C1orf141: variants seen among roughly 807,000 people sequenced by gnomAD.
C1orf141 encodes the protein chromosome 1 open reading frame 141.
A neutral mutation model predicts 23.2 loss-of-function variants in C1orf141; 19 were observed. That is an observed-to-expected ratio of 0.82 (90% confidence interval 0.57 to 1.20). The LOEUF is 1.20. Among genes scored for constraint, C1orf141 ranks in the 50% most tolerant of loss-of-function variants. The pLI, the probability that C1orf141 is intolerant of heterozygous loss-of-function variation, is 0.00. For synonymous variants in C1orf141, 153 were observed against 154.6 expected (o/e 0.99, Z 0.08); for missense variants, 469 against 455.1 (o/e 1.03, Z -0.28).
chr1:67,134,748 G>A (rs1309501637), intron 1 of C1orf141, among the ~76,000 whole-genome samples, 182 bp downstream of exon 1: 1 of 152,180 alleles, frequency 6.6e-6, no homozygotes, highest in Non-Finnish European at 1.5e-5. Flanking sequence ...CTCTCGCCGC[G>A]GTCCCACACT....
chr1:67,132,879 CA>C (rs1471345140), intron 1 of C1orf141, among the ~76,000 whole-genome samples: 2 of 152,144 alleles, frequency 1.3e-5, no homozygotes, highest in African/African-American at 4.8e-5. Flanking sequence ...ACAGTAGTGA[CA>C]GTTTTTTGTT....
chr1:67,108,123 G>C (rs933279315), intron 5 of C1orf141, among the ~76,000 whole-genome samples: 2 of 152,092 alleles, frequency 1.3e-5, no homozygotes, highest in Admixed American at 6.6e-5. Flanking sequence ...AAATAAAAAT[G>C]TACCAATGTC....
chr1:67,139,296 G>A (rs532334401), upstream of C1orf141: 1 of 152,250 alleles, frequency 6.6e-6, no homozygotes, highest in South Asian at 2.1e-4. Flanking sequence ...ATCTCAGAGG[G>A]CTGGTCTGAG....
At chr1:67,138,410 G>A (rs1191790559), upstream of C1orf141, among the ~76,000 whole-genome samples, 2 of 152,156 alleles carry the variant, frequency 1.3e-5, no homozygotes, top group Non-Finnish European at 2.9e-5. Context: ...AATTGGACAC[G>A]TTTTACTTCT....
At chr1:67,122,615 A>T (rs1646321525) in intron 4 of C1orf141, 1 of 151,624 alleles carries the variant, frequency 6.6e-6, no homozygotes. Context: ...GCTTCCTCAA[A>T]TTTTTCTACA....
intron 5 of C1orf141, among the ~76,000 whole-genome samples, chr1:67,097,185 C>A (rs1379131501): frequency 6.6e-6 from 1 of 151,866 alleles, no homozygotes; most frequent in African/African-American, 2.4e-5. Flanking sequence ...ATACTAAGAC[C>A]CCCATCTCAA....
At chr1:67,110,014 G>A (rs1392418995) in intron 5 of C1orf141, among the ~76,000 whole-genome samples, 2 of 152,014 alleles carry the variant, frequency 1.3e-5, no homozygotes, top group Non-Finnish European at 2.9e-5. Context: ...GATTATTACA[G>A]AGACATTACT....
upstream of C1orf141, among the ~76,000 whole-genome samples, chr1:67,136,818 CACAAAGT>C (rs1646589817): frequency 6.6e-6 from 1 of 152,096 alleles, no homozygotes; most frequent in South Asian, 2.1e-4. Flanking sequence ...ATTAATATAA[CACAAAGT>C]ACAAAGTATT....
chr1:67,095,335 C>G lies in C1orf141; in HGVS notation c.503G>C (p.Arg168Thr), dbSNP rs746551584. 1 of 1,593,172 alleles carries G rather than the reference C, an allele frequency of 6.3e-7. No individual in the cohort carries two copies. The highest frequency in any genetic ancestry group is 1.1e-5 in the South Asian group (1 of 90,000). ...GCACAACGGGAGCAAGCTTTTCTTT[C>G]TTACTGACCTATACTTACTTAATTG... ...NYQLSKYRSV[R>T]KKSLLPLCFE... The change falls in exon 7 of 8, where the codon AGA becomes ACA. Residue 168 changes from arginine to threonine, a missense_variant. Arg to Thr is a moderately conservative substitution (Grantham distance 71, BLOSUM62 -1). Coordinates refer to ENST00000684719, the MANE Select transcript of C1orf141 (RefSeq NM_001276351.2).
At chr1:67,120,791 A>G (rs1191512404) in intron 4 of C1orf141, among the ~76,000 whole-genome samples, 1 of 120,308 alleles carries the variant, frequency 8.3e-6, no homozygotes, top group African/African-American at 2.9e-5. Flanking sequence ...TCTTTATAGC[A>G]GCTTGAACTG....
At chr1:67,113,073 G>A (rs1646112085) in intron 5 of C1orf141, among the ~76,000 whole-genome samples, 1 of 152,184 alleles carries the variant, frequency 6.6e-6, no homozygotes, top group Admixed American at 6.5e-5. Flanking sequence ...TCCACCTCCT[G>A]GGTTCAAGTG....
chr1:67,121,420 T>C (rs146616038), intron 4 of C1orf141, among the ~76,000 whole-genome samples: 1 of 152,342 alleles, frequency 6.6e-6, no homozygotes, highest in Admixed American at 6.5e-5. Context: ...TTGTAGTGTT[T>C]GCCAATTGCT....
chr1:67,112,720 A>G (rs978477722), intron 5 of C1orf141, among the ~76,000 whole-genome samples: 1 of 152,138 alleles, frequency 6.6e-6, no homozygotes, highest in African/African-American at 2.4e-5. Flanking sequence ...ACCACCAAAA[A>G]ACAAAAAACC....
chr1:67,116,765 C>A (rs975779649), intron 4 of C1orf141, among the ~76,000 whole-genome samples: 7 of 152,082 alleles, frequency 4.6e-5, no homozygotes, highest in African/African-American at 1.7e-4. Flanking sequence ...CACTTAAGGA[C>A]CTTGCTCTTT....
intron 5 of C1orf141, among the ~76,000 whole-genome samples, chr1:67,101,201 T>C (rs1306740506): frequency 6.6e-6 from 1 of 152,142 alleles, no homozygotes; most frequent in African/African-American, 2.4e-5. Context: ...TCAACCCTCC[T>C]TTCAAGTCCC....
At position 67,093,494 on chromosome 1, in the gene C1orf141, G is replaced by C. The variant is rs1645599050; in HGVS notation, c.714C>G (p.Tyr238Ter). 2.5e-6 allele frequency: 4 copies of C among 1,608,094 alleles called. No individual in the cohort carries two copies. The South Asian group carries it at 4.4e-5, about 18-fold the overall frequency. The change falls in exon 8 of 8, where the codon TAC (tyrosine) becomes TAG (stop). Residue 238 changes from tyrosine (Y) to a stop codon, truncating the protein, a stop_gained. Transcript: ENST00000684719. LOFTEE classifies it low-confidence loss of function (END_TRUNC). ...SSHPLENENI[Y>*]PHKRTNFILE... ...AAATGAAATTTGTTCTTTTATGTGG[G>C]TAAATGTTTTCATTTTCCAAAGGAT...
At chr1:67,109,326 CAAAAAAAAAAAAAAAAAA>C (rs58157985) in intron 5 of C1orf141, among the ~76,000 whole-genome samples, 25 of 83,428 alleles carry the variant, frequency 3.0e-4, no homozygotes, top group Non-Finnish European at 5.1e-4. Context: ...GACTCCGTCT[CAAAAAAAAAAAAAAAAAA>C]AAAAAAAAAA....
chr1:67,127,421 T>G (rs1307558611), intron 2 of C1orf141, among the ~76,000 whole-genome samples, 164 bp from the exon 3 acceptor site: 1 of 152,168 alleles, frequency 6.6e-6, no homozygotes, highest in African/African-American at 2.4e-5. Flanking sequence ...CCCAAGTTTT[T>G]TCAATTGAAG....
chr1:67,111,782 C>T (rs1239914936), intron 5 of C1orf141: 1 of 422,146 alleles, frequency 2.4e-6, no homozygotes, highest in African/African-American at 2.1e-5. Context: ...ATTGCTTGTA[C>T]ATGGTTAGAG....
Sources: allele counts gnomAD v4.1 joint callset (sites outside exome capture counted in the v4.1 genomes callset), GRCh38; gene constraint gnomAD v4.1.1; transcripts MANE v1.5; gene names NCBI Gene and HGNC (gene_info 2026-07-23, HGNC 2026-07-21).